Variants in LSAMP observed in about 807,000 individuals in gnomAD.
LSAMP encodes the protein limbic system associated membrane protein.
A neutral mutation model predicts 38.6 loss-of-function variants in LSAMP; 7 were observed. The observed-to-expected ratio is 0.18, with a 90% CI of 0.10 to 0.34. LSAMP has a LOEUF of 0.34. LSAMP is among the 10% of genes least tolerant of loss of function. The probability of loss-of-function intolerance (pLI) is 1.00; values close to 1 mark genes in which losing one functional copy is unlikely to be tolerated. For missense variants in LSAMP, 313 were observed against 420.0 expected (o/e 0.75, Z 2.23); for synonymous variants, 154 against 166.8 (o/e 0.92, Z 0.59).
At chr3:116,013,562 T>A (rs1324020171) in intron 3 of LSAMP, among the ~76,000 whole-genome samples, 5 of 152,162 alleles carry the variant, frequency 3.3e-5, no homozygotes, top group Admixed American at 3.3e-4. Flanking sequence ...TCTGTGAGTG[T>A]ATGTGTGTAT....
intron 3 of LSAMP, among the ~76,000 whole-genome samples, chr3:115,935,662 G>A (rs2107548660): frequency 6.6e-6 from 1 of 152,282 alleles, no homozygotes; most frequent in East Asian, 1.9e-4. Context: ...TGCACCTTTT[G>A]TCTTTTAGAT....
At position 116,065,141 on chromosome 3, in the gene LSAMP, T is replaced by A. The variant is rs191212231; in HGVS notation, c.388+21183A>T. ...CCAAAAAAAGTCTCCTGTAAACATATGGATAACGTTTAGTTTGGATTTGTG... is the reference window on the plus strand; with the variant it reads ...CCAAAAAAAGTCTCCTGTAAACATAAGGATAACGTTTAGTTTGGATTTGTG... On this transcript the variant is annotated intron_variant, in intron 2 of 6. Transcript: ENST00000490035. Among the ~76,000 whole-genome samples the A allele has an allele frequency of 2.0e-3, 299 of 152,296 alleles. 1 individual carries two copies. Among genetic ancestry groups the A allele is most frequent in the African/African-American group, 7.0e-3 (289 of 41,568 alleles).
Position 116,445,069 on chromosome 3 carries a change from G to T in LSAMP, c.-38C>A. 1 of 1,586,682 alleles carries T rather than the reference G, an allele frequency of 6.3e-7. No individual in the cohort carries two copies. The highest frequency in any genetic ancestry group is 8.6e-7 in the Non-Finnish European group (1 of 1,164,860). On this transcript the variant is annotated 5_prime_UTR_variant, in exon 1 of 7. Coordinates refer to ENST00000490035, the MANE Select transcript of LSAMP (RefSeq NM_002338.5). ...GAGGTGCGGGTCCGCGGGGTGCTCT[G>T]GAGGGGTGCGCGCTGCTCGCGAGGA...
chr3:116,088,178 C>T (rs1380213353), intron 1 of LSAMP, among the ~76,000 whole-genome samples: 1 of 152,058 alleles, frequency 6.6e-6, no homozygotes, highest in African/African-American at 2.4e-5. Context: ...CATGCCTGAC[C>T]CTAGAGTAAG....
intron 1 of LSAMP, among the ~76,000 whole-genome samples, chr3:116,285,258 T>C (rs2047178641): frequency 1.3e-5 from 2 of 152,094 alleles, no homozygotes; most frequent in Admixed American, 1.3e-4. Flanking sequence ...CCGTCACTCA[T>C]GGAATAAAAT....
rs2049465631 is a variant in LSAMP at position 116,443,593 on chromosome 3, G to A, written c.155+1284C>T. 2.0e-5 allele frequency among the ~76,000 whole-genome samples: 3 copies of A among 152,140 alleles called. 1 individual carries two copies. The South Asian group carries it at 6.2e-4, about 32-fold the overall frequency. On this transcript the variant is annotated intron_variant, in intron 1 of 6. Coordinates refer to ENST00000490035, the MANE Select transcript of LSAMP (RefSeq NM_002338.5). ...TTCTGAGAAAAGGAAAGAAAACTTT[G>A]CTGCTGTCGGCAGCTCTGCTAGAGA...
chr3:115,843,010 C>G (rs899566325), intron 4 of LSAMP, among the ~76,000 whole-genome samples: 2 of 151,818 alleles, frequency 1.3e-5, no homozygotes, highest in East Asian at 1.9e-4. Context: ...TTTGAGATGG[C>G]CTTGAGGAGT....
intron 6 of LSAMP, among the ~76,000 whole-genome samples, chr3:115,823,454 C>G (rs1356894347): frequency 2.0e-5 from 3 of 152,216 alleles, no homozygotes; most frequent in African/African-American, 7.2e-5. Context: ...ACACTGGCAG[C>G]TCAAACATTC....
intron 1 of LSAMP, among the ~76,000 whole-genome samples, chr3:116,173,191 T>C (rs548566758): frequency 6.6e-6 from 1 of 152,162 alleles, no homozygotes; most frequent in East Asian, 1.9e-4. Flanking sequence ...AGAACTGTCA[T>C]TCAATAAATG....
chr3:115,884,544 G>A (rs1253884949), intron 3 of LSAMP, among the ~76,000 whole-genome samples: 1 of 131,920 alleles, frequency 7.6e-6, no homozygotes, highest in Non-Finnish European at 1.8e-5. Context: ...TAGAGATGTG[G>A]TTCTGGTGAT....
chr3:116,019,478 C>T, intron 3 of LSAMP, 37 bp downstream of exon 3: 35 of 1,602,698 alleles, frequency 2.2e-5, no homozygotes, highest in Non-Finnish European at 2.9e-5. Flanking sequence ...ATATTTTAAA[C>T]AGCATGTGGC....
At chr3:116,098,316 G>C (rs1559741508) in intron 1 of LSAMP, among the ~76,000 whole-genome samples, 1 of 151,878 alleles carries the variant, frequency 6.6e-6, no homozygotes, top group Non-Finnish European at 1.5e-5. Flanking sequence ...TTGACCAACA[G>C]GGAGAAACCC....
chr3:116,170,615 C>T (rs537696545), intron 1 of LSAMP, among the ~76,000 whole-genome samples: 1 of 152,174 alleles, frequency 6.6e-6, no homozygotes, highest in African/African-American at 2.4e-5. Flanking sequence ...ACTTTTCTAA[C>T]CCTCAGTCTG....
rs543426265 is a variant in LSAMP at position 116,045,885 on chromosome 3, T to G, written c.389-26245A>C. Among the ~76,000 whole-genome samples, 23 of 152,312 alleles carry G rather than the reference T, an allele frequency of 1.5e-4. No homozygotes were observed. The East Asian group carries it at 3.9e-3, about 26-fold the overall frequency. On this transcript the variant is annotated intron_variant, in intron 2 of 6. Transcript: ENST00000490035. Reference sequence around the variant, plus strand: ...CATTTCAATGTAAATGGCATCTCTGTTAAGGAAATAACCTAGGCTCAATTT... The same window carrying G: ...CATTTCAATGTAAATGGCATCTCTGGTAAGGAAATAACCTAGGCTCAATTT...
chr3:115,963,020 G>A (rs187138990), intron 3 of LSAMP, among the ~76,000 whole-genome samples: 14 of 152,278 alleles, frequency 9.2e-5, no homozygotes, highest in Admixed American at 2.6e-4. Context: ...ACTACTGAGC[G>A]ATAGGATGAG....
At chr3:116,225,341 A>G (rs572372411) in intron 1 of LSAMP, among the ~76,000 whole-genome samples, 12 of 152,296 alleles carry the variant, frequency 7.9e-5, no homozygotes, top group African/African-American at 2.9e-4. Flanking sequence ...CCGCAAGCCA[A>G]GGGATTCTGG....
chr3:115,854,021 A>G (rs1247597123), intron 3 of LSAMP, among the ~76,000 whole-genome samples: 1 of 152,056 alleles, frequency 6.6e-6, no homozygotes, highest in Non-Finnish European at 1.5e-5. Flanking sequence ...CCGACAGAAC[A>G]TGGGGCTTCT....
chr3:116,026,158 A>T (rs1289910773), intron 2 of LSAMP, among the ~76,000 whole-genome samples: 1 of 152,176 alleles, frequency 6.6e-6, no homozygotes, highest in Non-Finnish European at 1.5e-5. Flanking sequence ...GGTGCACCTA[A>T]TAATATAGAC....
At chr3:115,838,805 A>G (rs774398628) in intron 6 of LSAMP, among the ~76,000 whole-genome samples, 4 of 152,218 alleles carry the variant, frequency 2.6e-5, no homozygotes, top group Non-Finnish European at 5.9e-5. Context: ...AAGTGTATGT[A>G]TGCATGTGAC....
Sources: allele counts gnomAD v4.1 joint callset (sites outside exome capture counted in the v4.1 genomes callset), GRCh38; gene constraint gnomAD v4.1.1; transcripts MANE v1.5; gene names NCBI Gene and HGNC (gene_info 2026-07-23, HGNC 2026-07-21).